The following NME8 variants were observed in gnomAD, a reference collection of about 807,000 sequenced individuals.
NME8 encodes protein NME8.
NME8 carries 72 observed loss-of-function variants against 82.3 expected under a neutral mutation model. The observed-to-expected ratio is 0.87, with a 90% CI of 0.72 to 1.06. The LOEUF is 1.06. Ranked by LOEUF, NME8 falls within the 50% of genes least tolerant of loss-of-function variation. The probability of loss-of-function intolerance (pLI) is 0.00; values close to 1 mark genes in which losing one functional copy is unlikely to be tolerated. For missense variants in NME8, 712 were observed against 685.4 expected, an observed-to-expected ratio of 1.04 and a Z score of -0.43; for synonymous variants, 267 against 228.5, an observed-to-expected ratio of 1.17 and a Z score of -1.52.
At chr7:37,876,517 C>T (rs929379265) in intron 11 of NME8, among the ~76,000 whole-genome samples, 2 of 151,940 alleles carry the variant, frequency 1.3e-5, no homozygotes, top group Non-Finnish European at 1.5e-5. Flanking sequence ...TAAAAACTAT[C>T]TGGAAAGTTC....
intron 16 of NME8, 122 bp downstream of exon 16, chr7:37,894,732 T>C: frequency 2.0e-6 from 2 of 1,003,322 alleles, no homozygotes; most frequent in Non-Finnish European, 2.9e-6. Context: ...AAAGACATTC[T>C]GCTAACATTC....
At chr7:37,890,968 T>G (rs1311101301) in intron 15 of NME8, among the ~76,000 whole-genome samples, 3 of 152,000 alleles carry the variant, frequency 2.0e-5, no homozygotes, top group Non-Finnish European at 4.4e-5. Flanking sequence ...ATACCCATAG[T>G]GGGATTGCTG....
intron 16 of NME8, 86 bp from the exon 17 acceptor site, chr7:37,896,784 A>C (rs1056422205): frequency 8.8e-7 from 1 of 1,142,454 alleles, no homozygotes; most frequent in Non-Finnish European, 1.3e-6. Context: ...TCCCTGGCTC[A>C]GGCTGCAGTG....
chr7:37,885,537 C>T (rs1472351199), intron 14 of NME8, among the ~76,000 whole-genome samples: 1 of 152,182 alleles, frequency 6.6e-6, no homozygotes, highest in Non-Finnish European at 1.5e-5. Flanking sequence ...AAATATCCAC[C>T]CTACCCGCTA....
chr7:37,854,848 C>T (rs1172792835), intron 5 of NME8, among the ~76,000 whole-genome samples: 1 of 152,146 alleles, frequency 6.6e-6, no homozygotes, highest in Non-Finnish European at 1.5e-5. Flanking sequence ...TTATGACTTC[C>T]TTAATTGGCT....
At chr7:37,859,248 T>C (rs1784562733) in intron 6 of NME8, among the ~76,000 whole-genome samples, 1 of 152,182 alleles carries the variant, frequency 6.6e-6, no homozygotes, top group South Asian at 2.1e-4. Flanking sequence ...CCATGTTCTC[T>C]AATGCCTGCA....
chr7:37,875,134 A>C (rs2598025), intron 11 of NME8, among the ~76,000 whole-genome samples: 93,810 of 151,978 alleles, frequency 0.62, 29,734 homozygotes, highest in East Asian at 0.81. Context: ...GTCCTGGACT[A>C]TTCAACATAT....
intron 12 of NME8, among the ~76,000 whole-genome samples, chr7:37,882,613 G>GAGAAAGAAAGAA (rs1170328713): frequency 1.2e-5 from 1 of 85,126 alleles, no homozygotes; most frequent in African/African-American, 3.6e-5. Context: ...GAGAGAGAGA[G>GAGAAAGAAAGAA]AGAAAGAAAG....
At chr7:37,884,807 A>G (rs1785016191) in intron 13 of NME8, among the ~76,000 whole-genome samples, 1 of 152,250 alleles carries the variant, frequency 6.6e-6, no homozygotes, top group Non-Finnish European at 1.5e-5. Context: ...ATGAGTTGCT[A>G]GAAATGTGCT....
At chr7:37,889,977 G>T (rs373391341) in intron 15 of NME8, among the ~76,000 whole-genome samples, 1 of 151,968 alleles carries the variant, frequency 6.6e-6, no homozygotes, top group Non-Finnish European at 1.5e-5. Flanking sequence ...TGGTGGCCAT[G>T]TTATTTGGTA....
intron 15 of NME8, 68 bp from the exon 16 acceptor site, chr7:37,894,398 T>G: frequency 6.8e-7 from 1 of 1,474,396 alleles, no homozygotes. Context: ...CTTAGTTATT[T>G]CAGTCTACTT....
In NME8 at chr7:37,862,348, C is replaced by T. The variant is rs186726077; in HGVS notation, c.387+204C>T. 2.0e-4 allele frequency among the ~76,000 whole-genome samples: 30 copies of T among 152,220 alleles called. 1 individual carries two copies. The highest frequency in any genetic ancestry group is 4.6e-4 in the Admixed American group (7 of 15,286). ...TAACTATCCAGGTGTGTAAATGGTG[C>T]AACTTTTCTGGGAAGCATTTTGGCA... On this transcript the variant is annotated intron_variant, in intron 7 of 17. Coordinates refer to ENST00000199447, the MANE Select transcript of NME8 (RefSeq NM_016616.5).
intron 11 of NME8, among the ~76,000 whole-genome samples, chr7:37,870,764 T>A (rs1428522132): frequency 6.6e-6 from 1 of 152,090 alleles, no homozygotes; most frequent in Non-Finnish European, 1.5e-5. Flanking sequence ...TTAATCAAAT[T>A]TGTCTGCTTT....
intron 15 of NME8, among the ~76,000 whole-genome samples, chr7:37,893,947 G>T (rs1785175885): frequency 6.6e-6 from 1 of 152,092 alleles, no homozygotes; most frequent in Non-Finnish European, 1.5e-5. Flanking sequence ...CAAAGAAGAG[G>T]CCGTTTTACC....
chr7:37,886,777 G>A (rs1396817268), intron 14 of NME8, among the ~76,000 whole-genome samples: 1 of 151,994 alleles, frequency 6.6e-6, no homozygotes, highest in African/African-American at 2.4e-5. Context: ...CAATCACAGA[G>A]TCCAAGGGAC....
chr7:37,896,787 C>A, intron 16 of NME8, 83 bp from the exon 17 acceptor site: 1 of 1,154,510 alleles, frequency 8.7e-7, no homozygotes, highest in Non-Finnish European at 1.3e-6. Flanking sequence ...CTGGCTCAGG[C>A]TGCAGTGTTC....
intron 8 of NME8, 137 bp from the exon 9 acceptor site, chr7:37,864,211 G>C (rs755303271): frequency 1.9e-6 from 2 of 1,064,208 alleles, no homozygotes; most frequent in Non-Finnish European, 2.7e-6. Flanking sequence ...TTGAAATGCC[G>C]TAGTAAGATA....
intron 11 of NME8, among the ~76,000 whole-genome samples, chr7:37,871,094 G>A (rs1784760472): frequency 6.6e-6 from 1 of 152,200 alleles, no homozygotes; most frequent in Non-Finnish European, 1.5e-5. Context: ...GAGAGGGTGA[G>A]ACAGGAGAGA....
At chr7:37,889,791 T>C (rs1282868943) in intron 15 of NME8, among the ~76,000 whole-genome samples, 1 of 152,022 alleles carries the variant, frequency 6.6e-6, no homozygotes, top group African/African-American at 2.4e-5. Flanking sequence ...ACTAGTGTCA[T>C]GGTGAAAAGT....
Sources: allele counts gnomAD v4.1 joint callset (sites outside exome capture counted in the v4.1 genomes callset), GRCh38; gene constraint gnomAD v4.1.1; transcripts MANE v1.5; gene names NCBI Gene and HGNC (gene_info 2026-07-23, HGNC 2026-07-21).